The following ELL2 variants were observed in gnomAD, a reference collection of about 807,000 sequenced individuals.
The protein encoded by ELL2 is RNA polymerase II elongation factor ELL2.
In ELL2, 21 loss-of-function variants were observed where a neutral mutation model predicts 72.8. That is an observed-to-expected ratio of 0.29 (90% CI 0.20 to 0.42). The LOEUF is 0.42. Ranked by LOEUF, ELL2 falls within the 10% of genes least tolerant of loss-of-function variation. The probability of loss-of-function intolerance (pLI) is 1.00; values close to 1 mark genes in which losing one functional copy is unlikely to be tolerated. For missense variants in ELL2, 568 were observed against 772.8 expected, an observed-to-expected ratio of 0.73 and a Z score of 3.14; for synonymous variants, 266 against 283.2, an observed-to-expected ratio of 0.94 and a Z score of 0.61.
At chr5:95,927,508 CGTGTGTATATAG>C in intron 2 of ELL2, among the ~76,000 whole-genome samples, 1 of 30,618 alleles carries the variant, frequency 3.3e-5, no homozygotes, top group Non-Finnish European at 5.2e-5. Context: ...CATACACACA[CGTGTGTATATAG>C]ACATACACAC....
At chr5:95,954,432 A>C (rs1368340053) in intron 1 of ELL2, among the ~76,000 whole-genome samples, 3 of 137,558 alleles carry the variant, frequency 2.2e-5, no homozygotes, top group Non-Finnish European at 4.6e-5. Context: ...TTTAAGACAG[A>C]GTCTTGCTCT....
intron 1 of ELL2, among the ~76,000 whole-genome samples, chr5:95,954,589 TTTTTTTC>T (rs1350029310): frequency 8.5e-6 from 1 of 117,376 alleles, no homozygotes; most frequent in African/African-American, 4.2e-5. Flanking sequence ...TTTTCTTTTT[TTTTTTTC>T]TTTTTTTTTT....
Position 95,918,877 on chromosome 5 carries a change from C to CTTT in ELL2, c.317+544_317+546dup, listed in dbSNP as rs10644804. Among the ~76,000 whole-genome samples the CTTT allele has an allele frequency of 1.0e-3, 145 of 142,670 alleles. 1 individual carries two copies. Among genetic ancestry groups the CTTT allele is most frequent in the South Asian group, 2.0e-3 (9 of 4,530 alleles). The allele number at this position is 142,670 out of a possible 152,430, so 93.6% of individuals were successfully genotyped here. ...TGTGTATATTCTTGTCTTCCTCCTC[C>CTTT]TTTTTTTTTTTTTCTTTTTTTTTAA... is the stretch of plus-strand genomic sequence containing the variant. On this transcript the variant is annotated intron_variant, in intron 3 of 11. Coordinates refer to ENST00000237853, the MANE Select transcript of ELL2 (RefSeq NM_012081.6).
Position 95,906,710 on chromosome 5 carries a change from G to A in ELL2, c.554C>T (p.Pro185Leu). The A allele has an allele frequency of 6.2e-7, 1 of 1,614,048 alleles. No homozygotes were observed. The highest frequency in any genetic ancestry group is 8.5e-7 in the Non-Finnish European group (1 of 1,179,940). The change falls in exon 5 of 12, where the codon CCC (proline) becomes CTC (leucine). Residue 185 changes from proline (P) to leucine (L), a missense_variant. Physicochemically the swap from Pro to Leu is moderately conservative, Grantham distance 98 (BLOSUM62 -3). Transcript: ENST00000237853. Reference protein sequence around the residue: ...DTVPERKRSTPMNPANTIRKT... With the variant: ...DTVPERKRSTLMNPANTIRKT... ...TCGAATTGTATTTGCAGGGTTCATG[G>A]GGGTTGACCTTTTCCTCTCAGGAAC...
intron 2 of ELL2, among the ~76,000 whole-genome samples, chr5:95,929,809 A>AAAACCC (rs1178355174): frequency 6.6e-6 from 1 of 151,606 alleles, no homozygotes; most frequent in East Asian, 1.9e-4. Context: ...AAAAAACAAA[A>AAAACCC]AAACCCCCAC....
intron 2 of ELL2, among the ~76,000 whole-genome samples, chr5:95,929,410 C>T (rs1470889697): frequency 6.6e-6 from 1 of 152,046 alleles, no homozygotes; most frequent in Non-Finnish European, 1.5e-5. Context: ...AGGTGTGCAC[C>T]ACCACATCCG....
At chr5:95,940,355 T>C (rs116786056) in intron 2 of ELL2, among the ~76,000 whole-genome samples, 88 of 152,286 alleles carry the variant, frequency 5.8e-4, no homozygotes, top group African/African-American at 2.0e-3. Flanking sequence ...AACTTCAACC[T>C]AAGGGAACAT....
intron 5 of ELL2, among the ~76,000 whole-genome samples, chr5:95,901,652 T>A (rs949693960): frequency 4.6e-5 from 7 of 152,226 alleles, no homozygotes; most frequent in African/African-American, 1.7e-4. Context: ...AAATAAGGAT[T>A]ACTTGAACAC....
intron 2 of ELL2, among the ~76,000 whole-genome samples, chr5:95,936,991 C>T (rs1236467152): frequency 1.3e-5 from 2 of 152,170 alleles, no homozygotes; most frequent in African/African-American, 2.4e-5. Context: ...TATCATGGTG[C>T]CTGGTACACA....
chr5:95,917,142 A>C (rs146741616), intron 3 of ELL2, among the ~76,000 whole-genome samples: 112 of 152,346 alleles, frequency 7.4e-4, no homozygotes, highest in East Asian at 4.8e-3. Context: ...CCTTCGCTTA[A>C]GTGTGCATTA....
intron 2 of ELL2, among the ~76,000 whole-genome samples, chr5:95,939,699 A>G (rs76942435): frequency 0.038 from 5,782 of 152,304 alleles, 178 homozygotes; most frequent in Admixed American, 0.075. Flanking sequence ...GTTTTTAAAA[A>G]TGTACTGAAA....
intron 2 of ELL2, 47 bp from the exon 3 acceptor site, chr5:95,919,592 C>A: frequency 6.6e-7 from 1 of 1,522,540 alleles, no homozygotes; most frequent in South Asian, 1.3e-5. Flanking sequence ...ATAAATTTGC[C>A]ATAGAAAAGT....
At chr5:95,895,088 A>G (rs1748816826) in intron 9 of ELL2, among the ~76,000 whole-genome samples, 1 of 152,264 alleles carries the variant, frequency 6.6e-6, no homozygotes, top group South Asian at 2.1e-4. Context: ...CCAGCTCAGC[A>G]TTTAGCAACT....
At chr5:95,907,054 A>G (rs1360878197) in intron 4 of ELL2, among the ~76,000 whole-genome samples, 2 of 152,106 alleles carry the variant, frequency 1.3e-5, no homozygotes, top group African/African-American at 4.8e-5. Context: ...AAAGATAATA[A>G]CTAGTAACAC....
At chr5:95,948,931 C>G (rs905724570) in intron 1 of ELL2, among the ~76,000 whole-genome samples, 3 of 152,178 alleles carry the variant, frequency 2.0e-5, no homozygotes, top group Admixed American at 2.0e-4. Flanking sequence ...TTAGTACTTT[C>G]ACTGCTCTTA....
At chr5:95,938,219 G>A (rs1257710856) in intron 2 of ELL2, among the ~76,000 whole-genome samples, 1 of 152,104 alleles carries the variant, frequency 6.6e-6, no homozygotes, top group East Asian at 1.9e-4. Context: ...CAGTATTCAA[G>A]CCTTTAAAGT....
chr5:95,886,817 T>G lies in ELL2; in HGVS notation c.*2054A>C, dbSNP rs1345406457. 2 of 152,180 alleles carry G rather than the reference T, an allele frequency of 1.3e-5. No individual in the cohort carries two copies. The highest frequency in any genetic ancestry group is 2.9e-5 in the Non-Finnish European group (2 of 68,022). The allele number at this position is 152,180 out of a possible 1,614,324, so 9.4% of individuals were successfully genotyped here. On this transcript the variant is annotated 3_prime_UTR_variant, in exon 12 of 12. Transcript: ENST00000237853. ...TGAAAATGCAGATACTTGGGCCCTA[T>G]ACCTAGAGATTCTAACTCAGGTGAT...
chr5:95,959,946 C>A (rs1243451821), intron 1 of ELL2, among the ~76,000 whole-genome samples: 1 of 152,178 alleles, frequency 6.6e-6, no homozygotes, highest in East Asian at 1.9e-4. Context: ...AAAGCGTGCA[C>A]AACTAATGCC....
At chr5:95,943,967 G>A (rs1751065434) in intron 1 of ELL2, among the ~76,000 whole-genome samples, 2 of 152,142 alleles carry the variant, frequency 1.3e-5, no homozygotes. Flanking sequence ...TCAGATTTGG[G>A]TAATGTTTAA....
Sources: gnomAD v4.1 joint callset for allele counts (sites outside exome capture counted in the v4.1 genomes callset) on GRCh38, gnomAD v4.1.1 for gene constraint, MANE v1.5 for transcripts, NCBI Gene and HGNC (gene_info 2026-07-23, HGNC 2026-07-21) for gene names.